KANK1: variants seen among roughly 807,000 people sequenced by gnomAD.
KANK1 encodes KN motif and ankyrin repeat domains 1, also known as KN motif and ankyrin repeat domain-containing protein 1.
A neutral mutation model predicts 106.2 loss-of-function variants in KANK1; 109 were observed. The ratio of observed to expected loss-of-function variants is 1.03; its 90% CI spans 0.88 to 1.20. KANK1 has a LOEUF of 1.20. KANK1 is among the 50% of genes most tolerant of loss of function. KANK1 has a pLI of 0.00. For missense variants in KANK1, 2,399 were observed against 1,710.7 expected, an observed-to-expected ratio of 1.40 and a Z score of -7.10; for synonymous variants, 873 against 652.2, an observed-to-expected ratio of 1.34 and a Z score of -5.16.
chr9:581,470 A>G (rs1307889536), intron 1 of KANK1, among the ~76,000 whole-genome samples: 1 of 152,212 alleles, frequency 6.6e-6, no homozygotes, highest in Non-Finnish European at 1.5e-5. Flanking sequence ...CACTGATGGA[A>G]GTCAATGATG....
At chr9:597,089 G>A (rs1453030163) in intron 1 of KANK1, among the ~76,000 whole-genome samples, 1 of 151,844 alleles carries the variant, frequency 6.6e-6, no homozygotes, top group South Asian at 2.1e-4. Flanking sequence ...ATAGTCCATG[G>A]TACGGATATA....
chr9:532,364 CTTTTTT>C (rs1187078952), intron 1 of KANK1, among the ~76,000 whole-genome samples: 5 of 81,850 alleles, frequency 6.1e-5, no homozygotes, highest in African/African-American at 1.0e-4. Flanking sequence ...GCCTCAAGCA[CTTTTTT>C]TTTTTTTTTT....
intron 1 of KANK1, among the ~76,000 whole-genome samples, chr9:613,668 A>C (rs996559904): frequency 6.6e-6 from 1 of 152,156 alleles, no homozygotes; most frequent in Non-Finnish European, 1.5e-5. Flanking sequence ...ACTCTCTATT[A>C]CTAACTTTTT....
At chr9:513,822 C>T (rs1458158219) in intron 1 of KANK1, among the ~76,000 whole-genome samples, 6 of 152,018 alleles carry the variant, frequency 3.9e-5, no homozygotes, top group Non-Finnish European at 8.8e-5. Flanking sequence ...TCAAGACCAG[C>T]CATAGCCAAC....
In KANK1 at chr9:648,925, A is replaced by G. The variant is rs982437369; in HGVS notation, c.-83-27965A>G. On this transcript the variant is annotated intron_variant, in intron 1 of 11. Transcript: ENST00000382297. Reference sequence around the variant, plus strand: ...AGGAAAACAATGTACTTGCATGTCAATTGCAGTTCCTGGGAGAATGTTTGT... The same window carrying G: ...AGGAAAACAATGTACTTGCATGTCAGTTGCAGTTCCTGGGAGAATGTTTGT... Among the ~76,000 whole-genome samples, 5 of 152,194 alleles carry G rather than the reference A, an allele frequency of 3.3e-5. No homozygotes were observed. The East Asian group carries it at 9.6e-4, about 29-fold the overall frequency.
chr9:473,739 C>A (rs888732277), intron 3 of KANK1, among the ~76,000 whole-genome samples: 5 of 151,006 alleles, frequency 3.3e-5, no homozygotes, highest in African/African-American at 1.2e-4. Context: ...CTCTCTCTGT[C>A]ACCAGGGTGG....
At chr9:613,155 T>C (rs1426997609) in intron 1 of KANK1, among the ~76,000 whole-genome samples, 1 of 151,886 alleles carries the variant, frequency 6.6e-6, no homozygotes, top group African/African-American at 2.4e-5. Flanking sequence ...GTAATTTGGC[T>C]CCATGCTTCC....
chr9:720,134 G>T (rs1037925065), intron 3 of KANK1, among the ~76,000 whole-genome samples: 2 of 152,184 alleles, frequency 1.3e-5, no homozygotes, highest in Non-Finnish European at 2.9e-5. Flanking sequence ...TCACTAATCT[G>T]ACCAAGTCGT....
rs79408313 is a variant in KANK1 at position 649,828 on chromosome 9, T to C, written c.-83-27062T>C. Among the ~76,000 whole-genome samples, 973 of 152,316 alleles carry C rather than the reference T, an allele frequency of 6.4e-3. 15 individuals are homozygous for C. Among genetic ancestry groups the C allele is most frequent in the African/African-American group, 0.022 (918 of 41,552 alleles). The stretch of plus-strand genomic sequence containing the variant: ...AAATGCTTTTGTCCCCCTGCCCACA[T>C]ATGCACCTCCTTTGGTGTGACCCAT... On this transcript the variant is annotated intron_variant, in intron 1 of 11. Transcript: ENST00000382297.
intron 1 of KANK1, among the ~76,000 whole-genome samples, chr9:646,725 T>G (rs1839752916): frequency 6.7e-6 from 1 of 150,014 alleles, no homozygotes; most frequent in African/African-American, 2.5e-5. Flanking sequence ...AGTCTCTCTC[T>G]GTCACCCAGG....
At chr9:715,053 ATTATT>A (rs1423372258) in intron 3 of KANK1, among the ~76,000 whole-genome samples, 1 of 152,230 alleles carries the variant, frequency 6.6e-6, no homozygotes, top group Non-Finnish European at 1.5e-5. Flanking sequence ...ACTGAAATAT[ATTATT>A]TTTATATCTT....
intron 1 of KANK1, among the ~76,000 whole-genome samples, chr9:611,954 G>A (rs889859141): frequency 7.2e-5 from 11 of 152,172 alleles, no homozygotes; most frequent in Admixed American, 6.5e-5. Context: ...TCCTGACCTT[G>A]TGATCCGCCA....
intron 1 of KANK1, among the ~76,000 whole-genome samples, chr9:606,913 G>A (rs561959128): frequency 9.2e-5 from 14 of 151,764 alleles, no homozygotes; most frequent in Middle Eastern, 3.4e-3. Flanking sequence ...ATGAGATAAG[G>A]CAGGCTACTG....
In KANK1 at chr9:745,327, C is replaced by T; in HGVS notation, c.*92C>T. On this transcript the variant is annotated 3_prime_UTR_variant, in exon 12 of 12. Coordinates refer to ENST00000382297, the MANE Select transcript of KANK1 (RefSeq NM_015158.5). ...AGATACTGAATGTATACGTATTGTGCCTGAGCTCACCAGCAAACAGAAGCA... is the reference window on the plus strand; with the variant it reads ...AGATACTGAATGTATACGTATTGTGTCTGAGCTCACCAGCAAACAGAAGCA... 6.7e-7 allele frequency: 1 copy of T among 1,493,888 alleles called. No homozygotes were observed. The highest frequency in any genetic ancestry group is 9.3e-7 in the Non-Finnish European group (1 of 1,075,658). 92.5% of individuals were successfully genotyped at this position (1,493,888 alleles called of 1,614,324 possible).
intron 2 of KANK1, chr9:706,787 C>T: frequency 3.0e-6 from 3 of 985,448 alleles, no homozygotes; most frequent in Non-Finnish European, 3.6e-6. Context: ...TCCTGAGAAC[C>T]CGCAGAGAAC....
In KANK1 at chr9:704,980, C is replaced by T. The variant is rs181404811; in HGVS notation, c.38-5824C>T. Among the ~76,000 whole-genome samples the T allele has an allele frequency of 2.0e-3, 206 of 105,204 alleles. 1 individual carries two copies. The highest frequency in any genetic ancestry group is 7.3e-3 in the African/African-American group (183 of 25,160). 69.0% of individuals were successfully genotyped at this position (105,204 alleles called of 152,430 possible). A position where few individuals can be genotyped will look rare whatever the true frequency, so the allele number is the denominator to read the frequency against. ...GTCACTCCAGCCTGGGCAACAGAGT[C>T]GGACCCTGTCTCAAAAAAAAAAAAA... On this transcript the variant is annotated intron_variant, in intron 2 of 11. Transcript: ENST00000382297.
At chr9:532,541 A>G (rs1216567171) in intron 1 of KANK1, among the ~76,000 whole-genome samples, 1 of 148,216 alleles carries the variant, frequency 6.7e-6, no homozygotes, top group Non-Finnish European at 1.5e-5. Flanking sequence ...ATTTCCCTCC[A>G]CTCCCTCCAG....
intron 1 of KANK1, among the ~76,000 whole-genome samples, chr9:573,037 T>C (rs530689576): frequency 6.6e-6 from 1 of 152,278 alleles, no homozygotes; most frequent in South Asian, 2.1e-4. Flanking sequence ...ATATTTGAGC[T>C]GGTGTAAATT....
intron 8 of KANK1, 96 bp from the exon 9 acceptor site, chr9:740,695 TG>T: frequency 7.6e-7 from 1 of 1,312,902 alleles, no homozygotes; most frequent in Non-Finnish European, 1.0e-6. Context: ...ACCATTTCAC[TG>T]GGCTCCTGTA....
Sources: gnomAD v4.1 joint callset for allele counts (sites outside exome capture counted in the v4.1 genomes callset) on GRCh38, gnomAD v4.1.1 for gene constraint, MANE v1.5 for transcripts, NCBI Gene and HGNC (gene_info 2026-07-23, HGNC 2026-07-21) for gene names.